The following FOXO3 variants were observed in gnomAD, a reference collection of about 807,000 sequenced individuals.
FOXO3 encodes forkhead box O3.
A neutral mutation model predicts 41.9 loss-of-function variants in FOXO3; 4 were observed. That is an observed-to-expected ratio of 0.10 (90% CI 0.05 to 0.22). The LOEUF (loss-of-function observed/expected upper bound fraction) is 0.22. Ranked by LOEUF, FOXO3 falls within the 10% of genes least tolerant of loss-of-function variation. FOXO3 has a pLI of 1.00. For synonymous variants in FOXO3, 318 were observed against 389.3 expected (o/e 0.82, Z 2.16); for missense variants, 534 against 906.8 (o/e 0.59, Z 5.28).
At chr6:108,621,455 GA>G (rs1777660392) in intron 1 of FOXO3, among the ~76,000 whole-genome samples, 1 of 152,204 alleles carries the variant, frequency 6.6e-6, no homozygotes, top group South Asian at 2.1e-4. Flanking sequence ...ACGTCTGGAA[GA>G]AAGAATCAAG....
chr6:108,650,459 G>A (rs925406323), intron 1 of FOXO3, among the ~76,000 whole-genome samples: 17 of 152,158 alleles, frequency 1.1e-4, no homozygotes, highest in African/African-American at 4.1e-4. Context: ...GACTGTCCTT[G>A]CCAGTTAATA....
intron 1 of FOXO3, among the ~76,000 whole-genome samples, chr6:108,577,764 C>G (rs555925982): frequency 3.3e-4 from 51 of 152,274 alleles, no homozygotes; most frequent in Non-Finnish European, 5.6e-4. Context: ...CATTTCAGCC[C>G]TCTCCTCCAT....
chr6:108,672,435 G>A (rs1036864075), intron 2 of FOXO3, among the ~76,000 whole-genome samples: 1 of 152,190 alleles, frequency 6.6e-6, no homozygotes, highest in African/African-American at 2.4e-5. Flanking sequence ...CCAGGCCAGG[G>A]ACTAAAATAC....
intron 1 of FOXO3, among the ~76,000 whole-genome samples, chr6:108,630,765 TA>T (rs998696650): frequency 4.0e-5 from 6 of 151,780 alleles, no homozygotes; most frequent in African/African-American, 1.5e-4. Flanking sequence ...TAAGTATTTT[TA>T]AAAAAAAGCT....
chr6:108,560,117 T>A (rs1775729995), upstream of FOXO3: 1 of 151,532 alleles, frequency 6.6e-6, no homozygotes, highest in South Asian at 2.1e-4. Flanking sequence ...TGAGCCGCGG[T>A]GTGCGCGCCC....
intron 1 of FOXO3, among the ~76,000 whole-genome samples, chr6:108,564,533 G>T (rs1775902798): frequency 6.6e-6 from 1 of 152,180 alleles, no homozygotes; most frequent in Non-Finnish European, 1.5e-5. Context: ...TGCATAAAGG[G>T]CACGGTATGC....
chr6:108,627,138 T>A (rs1935957), intron 1 of FOXO3, among the ~76,000 whole-genome samples: 141,215 of 152,264 alleles, frequency 0.93, 65,681 homozygotes, highest in Non-Finnish European at 0.97. Flanking sequence ...AATGGGAAGT[T>A]AAGGATTCTG....
At chr6:108,670,418 A>G (rs1029377611) in intron 2 of FOXO3, among the ~76,000 whole-genome samples, 2 of 151,658 alleles carry the variant, frequency 1.3e-5, no homozygotes, top group Non-Finnish European at 2.9e-5. Context: ...CCTGTAAGTC[A>G]ATGTTTCTCA....
chr6:108,622,814 T>C (rs1582789139), intron 1 of FOXO3, among the ~76,000 whole-genome samples: 1 of 152,150 alleles, frequency 6.6e-6, no homozygotes, highest in East Asian at 1.9e-4. Context: ...GTAGATGCAG[T>C]GACTCATTTT....
chr6:108,608,772 C>T (rs778614062), intron 1 of FOXO3, among the ~76,000 whole-genome samples: 3 of 152,128 alleles, frequency 2.0e-5, no homozygotes, highest in Non-Finnish European at 2.9e-5. Flanking sequence ...TAATAGTAAA[C>T]GCTTCAGAAA....
intron 2 of FOXO3, among the ~76,000 whole-genome samples, chr6:108,675,436 G>A (rs1052075785): frequency 6.6e-6 from 1 of 152,312 alleles, no homozygotes; most frequent in East Asian, 1.9e-4. Flanking sequence ...CCTTGACCAA[G>A]CCCAGGAATT....
At chr6:108,619,330 T>G (rs1777604241) in intron 1 of FOXO3, among the ~76,000 whole-genome samples, 1 of 152,228 alleles carries the variant, frequency 6.6e-6, no homozygotes, top group Admixed American at 6.5e-5. Context: ...TTTCAATATG[T>G]TAGTCTTTGT....
intron 1 of FOXO3, among the ~76,000 whole-genome samples, chr6:108,633,523 A>T (rs60372620): frequency 1.6e-3 from 242 of 152,322 alleles, no homozygotes; most frequent in African/African-American, 5.5e-3. Flanking sequence ...CATGAAAAAC[A>T]GTTTCTATTA....
chr6:108,612,062 A>G (rs1777379933), intron 1 of FOXO3, among the ~76,000 whole-genome samples: 1 of 152,274 alleles, frequency 6.6e-6, no homozygotes, highest in East Asian at 1.9e-4. Context: ...CAGGTAGTAT[A>G]ACTCTTCCAA....
At chr6:108,589,287 C>T (rs1224733220) in intron 1 of FOXO3, among the ~76,000 whole-genome samples, 2 of 152,186 alleles carry the variant, frequency 1.3e-5, no homozygotes, top group Non-Finnish European at 2.9e-5. Context: ...CATTTTGGAG[C>T]TCTGTGACAT....
rs1414281532 is a variant in FOXO3 at position 108,618,065 on chromosome 6, G to T, written c.622-45390G>T. The stretch of plus-strand genomic sequence containing the variant: ...GTATCTTCATTCTCCATTTCCAACT[G>T]TACAGGTGTGTCTTTTTCATTGATT... On this transcript the variant is annotated intron_variant, in intron 1 of 2. Transcript: ENST00000406360. 17 of 721,186 alleles carry T rather than the reference G, an allele frequency of 2.4e-5. 1 individual carries two copies. In the East Asian group the frequency reaches 4.5e-4, roughly 19 times the overall value. 44.7% of individuals were successfully genotyped at this position (721,186 alleles called of 1,614,324 possible).
chr6:108,627,964 A>G (rs918914774), intron 1 of FOXO3, among the ~76,000 whole-genome samples: 1 of 152,198 alleles, frequency 6.6e-6, no homozygotes, highest in African/African-American at 2.4e-5. Flanking sequence ...TACTTAGAGC[A>G]GAGTTTGGCA....
intron 1 of FOXO3, among the ~76,000 whole-genome samples, chr6:108,572,778 T>A (rs2128357497): frequency 6.6e-6 from 1 of 152,346 alleles, no homozygotes; most frequent in South Asian, 2.1e-4. Context: ...TATGTGCCCG[T>A]TACTCAACTA....
At chr6:108,670,004 A>G (rs962711725) in intron 2 of FOXO3, among the ~76,000 whole-genome samples, 7 of 152,150 alleles carry the variant, frequency 4.6e-5, no homozygotes, top group African/African-American at 1.4e-4. Flanking sequence ...GCATCTTGTA[A>G]ACAACATTTT....
Sources: gnomAD v4.1 joint callset for allele counts (sites outside exome capture counted in the v4.1 genomes callset) on GRCh38, gnomAD v4.1.1 for gene constraint, MANE v1.5 for transcripts, NCBI Gene and HGNC (gene_info 2026-07-23, HGNC 2026-07-21) for gene names.